CWF19L2: variants seen among roughly 807,000 people sequenced by gnomAD.
The protein encoded by CWF19L2 is CWF19-like protein 2.
In CWF19L2, 98 loss-of-function variants were observed where a neutral mutation model predicts 111.7. That is an observed-to-expected ratio of 0.88 (90% CI 0.75 to 1.04). CWF19L2 has a LOEUF of 1.04. Among genes scored for constraint, CWF19L2 ranks in the 50% least tolerant of loss-of-function variants. CWF19L2 has a pLI of 0.00. For synonymous variants in CWF19L2, 351 were observed against 342.9 expected (o/e 1.02, Z -0.26); for missense variants, 1,101 against 1,051.4 (o/e 1.05, Z -0.65).
intron 10 of CWF19L2, among the ~76,000 whole-genome samples, chr11:107,401,388 G>A (rs907138740): frequency 2.6e-5 from 4 of 152,118 alleles, no homozygotes; most frequent in African/African-American, 7.2e-5. Context: ...CAAGATTAAT[G>A]TACCACAAAT....
chr11:107,370,713 G>C lies in CWF19L2; in HGVS notation c.1873-16977C>G, dbSNP rs1044499644. On this transcript the variant is annotated intron_variant, in intron 12 of 17. Transcript: ENST00000282251. ...CTGTCAGCAACCAAAATTTAGGACA[G>C]TTTTTAATTCTACACTTTCTTACCA... Among the ~76,000 whole-genome samples, 19 of 137,400 alleles carry C rather than the reference G, an allele frequency of 1.4e-4. 5 individuals are homozygous for C. The highest frequency in any genetic ancestry group is 5.5e-4 in the African/African-American group (19 of 34,440). 90.1% of individuals were successfully genotyped at this position (137,400 alleles called of 152,430 possible). A position where few individuals can be genotyped will look rare whatever the true frequency, so the allele number is the denominator to read the frequency against.
At chr11:107,406,684 C>CTTT (rs548040686) in intron 10 of CWF19L2, among the ~76,000 whole-genome samples, 1,871 of 140,560 alleles carry the variant, frequency 0.013, 24 homozygotes, top group South Asian at 0.038. Flanking sequence ...TTGTGTTTTC[C>CTTT]TTTTTTTTTT....
chr11:107,446,524 C>T (rs1329897755), intron 3 of CWF19L2, among the ~76,000 whole-genome samples: 1 of 152,156 alleles, frequency 6.6e-6, no homozygotes, highest in Non-Finnish European at 1.5e-5. Flanking sequence ...GGATGGTATG[C>T]TAAACTCAGT....
intron 16 of CWF19L2, among the ~76,000 whole-genome samples, chr11:107,330,496 G>A (rs185440141): frequency 1.3e-5 from 2 of 151,528 alleles, no homozygotes; most frequent in African/African-American, 2.4e-5. Context: ...AATTTTTTAC[G>A]AGCTGGTGAA....
chr11:107,390,413 TCTC>T (rs945315110), intron 11 of CWF19L2, among the ~76,000 whole-genome samples: 8 of 152,268 alleles, frequency 5.3e-5, no homozygotes, highest in African/African-American at 1.9e-4. Context: ...ACCTCTTTAC[TCTC>T]CTCTTCCCCA....
intron 6 of CWF19L2, among the ~76,000 whole-genome samples, chr11:107,437,422 T>C (rs557245908): frequency 6.6e-6 from 1 of 152,160 alleles, no homozygotes; most frequent in Non-Finnish European, 1.5e-5. Context: ...ACAGATATTG[T>C]AATACTTTTA....
At position 107,416,286 on chromosome 11, in the gene CWF19L2, G is replaced by A; in HGVS notation, c.1540C>T (p.Gln514Ter). 6.9e-7 allele frequency: 1 copy of A among 1,443,648 alleles called. No homozygotes were observed. Among genetic ancestry groups the A allele is most frequent in the Non-Finnish European group, 9.3e-7 (1 of 1,075,154 alleles). 89.4% of individuals were successfully genotyped at this position (1,443,648 alleles called of 1,614,324 possible). Residue 514 changes from glutamine (Q) to a stop codon, truncating the protein, a stop_gained, in exon 10 of 18, where the codon CAA becomes TAA. Coordinates refer to ENST00000282251, the MANE Select transcript of CWF19L2 (RefSeq NM_152434.3). LOFTEE classifies it high-confidence loss of function. The stretch of plus-strand genomic sequence containing the variant: ...GCCTTTTCAAGTTGAACTTTAAGTT[G>A]TTCAGCTAATTCCTTCAAAAAGAAA... The part of the protein sequence containing the change: ...EMMGNMELAE[Q>*]LKVQLEKANK...
chr11:107,390,992 C>T (rs931675109), intron 11 of CWF19L2, among the ~76,000 whole-genome samples: 4 of 152,126 alleles, frequency 2.6e-5, no homozygotes, highest in South Asian at 2.1e-4. Flanking sequence ...CTGGATGCTT[C>T]CTGCCCTCAA....
chr11:107,390,127 T>TGG lies in CWF19L2; in HGVS notation c.1818_1819insCC (p.Lys607ProfsTer14), dbSNP rs1860826429. 1 of 1,612,906 alleles carries TGG rather than the reference T, an allele frequency of 6.2e-7. No individual in the cohort carries two copies. The highest frequency in any genetic ancestry group is 1.3e-5 in the African/African-American group (1 of 74,912). ...TTTTGATTTTCTGCTGTTCCCATCT[T>TGG]TTCATTTTTGACTAAATCATTTAGG... On this transcript the variant is annotated frameshift_variant, in exon 12 of 18. Coordinates refer to ENST00000282251, the MANE Select transcript of CWF19L2 (RefSeq NM_152434.3). LOFTEE classifies it high-confidence loss of function.
At chr11:107,401,972 A>C (rs1003722621) in intron 10 of CWF19L2, among the ~76,000 whole-genome samples, 1 of 152,142 alleles carries the variant, frequency 6.6e-6, no homozygotes, top group East Asian at 1.9e-4. Flanking sequence ...ACAAAAACAT[A>C]AAGTGGGGAA....
At chr11:107,387,837 C>T (rs191588355) in intron 12 of CWF19L2, among the ~76,000 whole-genome samples, 2 of 152,298 alleles carry the variant, frequency 1.3e-5, no homozygotes, top group African/African-American at 4.8e-5. Flanking sequence ...TCTTGCTGTG[C>T]GGCCCAGTTC....
At chr11:107,362,855 T>A (rs546271175) in intron 12 of CWF19L2, among the ~76,000 whole-genome samples, 1 of 151,984 alleles carries the variant, frequency 6.6e-6, no homozygotes, top group Non-Finnish European at 1.5e-5. Context: ...GAAGAAGGCT[T>A]CAGACGATCA....
chr11:107,441,418 A>T, intron 5 of CWF19L2, 85 bp downstream of exon 5: 1 of 1,141,254 alleles, frequency 8.8e-7, no homozygotes, highest in Non-Finnish European at 1.2e-6. Flanking sequence ...ATGGTATTTT[A>T]CAAGTTAAAC....
rs918340686 is a variant in CWF19L2 at position 107,416,219 on chromosome 11, G to A, written c.1607C>T (p.Ser536Phe). 3 of 1,414,146 alleles carry A rather than the reference G, an allele frequency of 2.1e-6. No homozygotes were observed. In the African/African-American group the frequency reaches 4.4e-5, roughly 21 times the overall value. The allele number at this position is 1,414,146 out of a possible 1,614,324, so 87.6% of individuals were successfully genotyped here. Residue 536 changes from serine (S) to phenylalanine (F), a missense_variant, in exon 10 of 18, where the codon TCT becomes TTT. Coordinates refer to ENST00000282251, the MANE Select transcript of CWF19L2 (RefSeq NM_152434.3). The part of the protein sequence containing the change: ...KETITQIPKK[S>F]GVENEDQQEV... ...ACTTTTATTACTTACCTCTACCCCA[G>A]ATTTTTTTGGTATCTGTGTTATAGT...
chr11:107,368,632 T>C (rs1860466963), intron 12 of CWF19L2, among the ~76,000 whole-genome samples: 1 of 138,056 alleles, frequency 7.2e-6, no homozygotes, highest in Admixed American at 7.1e-5. Flanking sequence ...ATATTCAGAA[T>C]ACAACCTTGG....
intron 10 of CWF19L2, among the ~76,000 whole-genome samples, chr11:107,414,769 C>T (rs898607035): frequency 6.6e-6 from 1 of 152,138 alleles, no homozygotes; most frequent in Non-Finnish European, 1.5e-5. Flanking sequence ...ACCCACCCCC[C>T]ACCTAAACCA....
intron 3 of CWF19L2, among the ~76,000 whole-genome samples, chr11:107,452,522 A>G (rs189464416): frequency 1.6e-3 from 251 of 152,362 alleles, no homozygotes; most frequent in Non-Finnish European, 3.0e-3. Flanking sequence ...ATATTTTAAC[A>G]TATCTATCTC....
intron 12 of CWF19L2, among the ~76,000 whole-genome samples, chr11:107,362,679 C>G (rs866827354): frequency 0.02 from 2,953 of 151,244 alleles, 12 homozygotes; most frequent in Admixed American, 0.026. Flanking sequence ...CTGTACATCA[C>G]CATCATCAAA....
intron 8 of CWF19L2, among the ~76,000 whole-genome samples, chr11:107,428,125 C>A (rs1021051506): frequency 2.0e-5 from 3 of 152,104 alleles, no homozygotes; most frequent in Admixed American, 1.3e-4. Flanking sequence ...CTATCTCCAA[C>A]AGGGCCAGCA....
Sources: gnomAD v4.1 joint callset for allele counts (sites outside exome capture counted in the v4.1 genomes callset) on GRCh38, gnomAD v4.1.1 for gene constraint, MANE v1.5 for transcripts, NCBI Gene and HGNC (gene_info 2026-07-23, HGNC 2026-07-21) for gene names.